CEP112: variants seen among roughly 807,000 people sequenced by gnomAD.
The protein encoded by CEP112 is centrosomal protein of 112 kDa.
Under a neutral mutation model 153.0 loss-of-function variants are expected in CEP112, and 127 were observed. That is an observed-to-expected ratio of 0.83 (90% CI 0.72 to 0.96). The LOEUF is 0.96. CEP112 is among the 40% of genes least tolerant of loss of function. The probability of loss-of-function intolerance (pLI) is 0.00; values close to 1 mark genes in which losing one functional copy is unlikely to be tolerated. For synonymous variants in CEP112, 358 were observed against 374.4 expected (o/e 0.96, Z 0.51); for missense variants, 1,089 against 1,101.2 (o/e 0.99, Z 0.16).
chr17:65,836,014 CT>C (rs1040603613), intron 21 of CEP112, among the ~76,000 whole-genome samples: 4 of 152,068 alleles, frequency 2.6e-5, no homozygotes, highest in African/African-American at 7.2e-5. Flanking sequence ...TCTTATTTTT[CT>C]TTTGGTTGTG....
intron 17 of CEP112, among the ~76,000 whole-genome samples, chr17:65,978,333 C>G (rs2063110112): frequency 6.6e-6 from 1 of 152,030 alleles, no homozygotes; most frequent in Admixed American, 6.6e-5. Flanking sequence ...TTAAAAAGCA[C>G]AAAAGGAAAA....
intron 21 of CEP112, among the ~76,000 whole-genome samples, chr17:65,798,727 G>T (rs765577276): frequency 6.6e-6 from 1 of 152,148 alleles, no homozygotes; most frequent in Admixed American, 6.6e-5. Flanking sequence ...ACTGTCTCTT[G>T]TTTAGAAAGG....
chr17:65,794,845 A>C (rs1450488353), intron 21 of CEP112, among the ~76,000 whole-genome samples: 1 of 152,220 alleles, frequency 6.6e-6, no homozygotes, highest in African/African-American at 2.4e-5. Flanking sequence ...TTCCCAAGAC[A>C]ACTGCAATAG....
chr17:65,847,843 G>A (rs1235442039), intron 21 of CEP112, among the ~76,000 whole-genome samples: 1 of 152,220 alleles, frequency 6.6e-6, no homozygotes, highest in Non-Finnish European at 1.5e-5. Flanking sequence ...GTAGAATGAT[G>A]TCAAGGAGGT....
intron 20 of CEP112, among the ~76,000 whole-genome samples, chr17:65,886,778 AAT>A (rs2059292302): frequency 6.6e-6 from 1 of 151,196 alleles, no homozygotes; most frequent in African/African-American, 2.4e-5. Context: ...AAACCAAATT[AAT>A]GTTTTAAGAC....
intron 23 of CEP112, among the ~76,000 whole-genome samples, chr17:65,694,228 A>G (rs1021742163): frequency 8.5e-5 from 13 of 152,204 alleles, no homozygotes; most frequent in African/African-American, 3.1e-4. Context: ...ACACTCAGAC[A>G]GGCAGAGGAG....
intron 23 of CEP112, among the ~76,000 whole-genome samples, chr17:65,693,637 A>C (rs2144472649): frequency 6.6e-6 from 1 of 152,238 alleles, no homozygotes; most frequent in Non-Finnish European, 1.5e-5. Flanking sequence ...AATTCTTGCT[A>C]AGCACAAGTC....
chr17:66,177,107 G>T, intron 2 of CEP112, 87 bp from the exon 3 acceptor site: 1 of 1,091,896 alleles, frequency 9.2e-7, no homozygotes, highest in Non-Finnish European at 1.3e-6. Context: ...ACCTGCTTTA[G>T]TCTAAAAGAA....
At chr17:65,907,799 T>C (rs1395364264) in intron 19 of CEP112, among the ~76,000 whole-genome samples, 1 of 152,190 alleles carries the variant, frequency 6.6e-6, no homozygotes, top group East Asian at 1.9e-4. Context: ...GTTAAAAGAA[T>C]CATCTGGACT....
At chr17:66,039,846 T>G (rs530519962) in intron 12 of CEP112, among the ~76,000 whole-genome samples, 120 of 152,300 alleles carry the variant, frequency 7.9e-4, no homozygotes, top group Non-Finnish European at 1.6e-3. Context: ...TGTAACTTTT[T>G]GGGGTCAGGC....
intron 21 of CEP112, among the ~76,000 whole-genome samples, chr17:65,810,604 C>G (rs1412396789): frequency 3.3e-5 from 5 of 151,756 alleles, no homozygotes; most frequent in African/African-American, 4.8e-5. Flanking sequence ...CAAATCTTTG[C>G]TGAGTGAAGC....
intron 23 of CEP112, among the ~76,000 whole-genome samples, chr17:65,723,012 C>T (rs2049978479): frequency 1.3e-5 from 2 of 151,928 alleles, no homozygotes; most frequent in South Asian, 4.2e-4. Context: ...ACATTCTGAG[C>T]TTCTCCAAAT....
intron 12 of CEP112, among the ~76,000 whole-genome samples, chr17:66,041,271 A>G (rs1477600387): frequency 6.6e-6 from 1 of 152,160 alleles, no homozygotes; most frequent in Non-Finnish European, 1.5e-5. Flanking sequence ...GGAAATTAAA[A>G]TTTTTGTCAA....
At chr17:65,938,919 C>A (rs923697483) in intron 18 of CEP112, among the ~76,000 whole-genome samples, 7 of 152,104 alleles carry the variant, frequency 4.6e-5, no homozygotes, top group African/African-American at 1.7e-4. Context: ...TCAAGCAATT[C>A]TCCTGCCTCA....
At chr17:66,160,219 C>G (rs916014834) in intron 4 of CEP112, among the ~76,000 whole-genome samples, 1 of 152,264 alleles carries the variant, frequency 6.6e-6, no homozygotes. Flanking sequence ...AAAAACAGTC[C>G]ATGCTCATGG....
intron 6 of CEP112, among the ~76,000 whole-genome samples, chr17:66,107,488 T>C (rs772980263): frequency 3.9e-5 from 6 of 152,120 alleles, no homozygotes; most frequent in Non-Finnish European, 7.4e-5. Context: ...ATAGCATTTC[T>C]ATATGCCAAC....
rs553294802 is a variant in CEP112 at position 65,932,291 on chromosome 17, G to A, written c.1873-4602C>T. On this transcript the variant is annotated intron_variant, in intron 18 of 26. Transcript: ENST00000535342. ...ATCCCCACCAAAGGACATCTACAAA[G>A]GCCAAAAGAGGAAGCCAATTCATCA... 6.6e-5 allele frequency among the ~76,000 whole-genome samples: 10 copies of A among 152,216 alleles called. No individual in the cohort carries two copies. In the South Asian group the frequency reaches 2.1e-3, roughly 32 times the overall value.
At chr17:65,687,160 ATTTTTTTTT>A (rs35675811) in intron 24 of CEP112, among the ~76,000 whole-genome samples, 7 of 90,164 alleles carry the variant, frequency 7.8e-5, no homozygotes, top group African/African-American at 3.6e-4. Context: ...GTTATTATTA[ATTTTTTTTT>A]TTTTTTTTTT....
At chr17:65,969,615 G>C (rs1728907973) in intron 17 of CEP112, among the ~76,000 whole-genome samples, 1 of 152,174 alleles carries the variant, frequency 6.6e-6, no homozygotes, top group Non-Finnish European at 1.5e-5. Flanking sequence ...TTACATGTGT[G>C]CCGCATGCAC....
Sources: gnomAD v4.1 joint callset for allele counts (sites outside exome capture counted in the v4.1 genomes callset) on GRCh38, gnomAD v4.1.1 for gene constraint, MANE v1.5 for transcripts, NCBI Gene and HGNC (gene_info 2026-07-23, HGNC 2026-07-21) for gene names.